The following PGAP4 variants were observed in gnomAD, a reference collection of about 807,000 sequenced individuals.
PGAP4 encodes the protein GPI-N-acetylgalactosamine transferase PGAP4.
Under a neutral mutation model 28.2 loss-of-function variants are expected in PGAP4, and 12 were observed. That is an observed-to-expected ratio of 0.42 (90% CI 0.27 to 0.69). The LOEUF (loss-of-function observed/expected upper bound fraction) is 0.69. Ranked by LOEUF, PGAP4 falls within the 30% of genes least tolerant of loss-of-function variation. PGAP4 has a pLI of 0.22. For missense variants in PGAP4, 425 were observed against 513.5 expected, an observed-to-expected ratio of 0.83 and a Z score of 1.67; for synonymous variants, 205 against 211.8, an observed-to-expected ratio of 0.97 and a Z score of 0.28.
At chr9:101,487,413 C>T (rs1005274189), upstream of PGAP4, among the ~76,000 whole-genome samples, 1 of 152,216 alleles carries the variant, frequency 6.6e-6, no homozygotes, top group Non-Finnish European at 1.5e-5. Context: ...TACTTTGGGT[C>T]TTGAATGTTT....
At chr9:101,479,832 CCTT>C (rs1199600976) in intron 1 of PGAP4, 4 of 152,200 alleles carry the variant, frequency 2.6e-5, no homozygotes, top group Admixed American at 6.5e-5. Flanking sequence ...ACATGCCCCT[CCTT>C]CTAGATCAAG....
rs1384441456 is a variant in PGAP4 at position 101,476,229 on chromosome 9, C to A, written c.864G>T (p.Gly288=). ...WIYMRFASRP[G]FSWPVMLFFS... ...AGAAGAGCATTACAGGCCAGCTAAA[C>A]CCTGGGCGGCTGGCAAACCTCATGT... Residue 288 remains glycine (G), a synonymous_variant, in exon 2 of 2, where the codon GGG becomes GGT. Transcript: ENST00000374848. This position sits in a 1 kb window ranked among gnomAD's most constrained non-coding sequence, Gnocchi z 7.0. The A allele has an allele frequency of 1.9e-6, 3 of 1,614,044 alleles. No homozygotes were observed. The highest frequency in any genetic ancestry group is 2.2e-5 in the South Asian group (2 of 91,074).
At chr9:101,501,771 G>A in intron 2 of PGAP4, 1 of 518,458 alleles carries the variant, frequency 1.9e-6, no homozygotes, top group Non-Finnish European at 3.9e-6. Flanking sequence ...CTAACATCTG[G>A]ATTGAACAAT....
intron 2 of PGAP4, among the ~76,000 whole-genome samples, chr9:101,529,681 G>T (rs974507443): frequency 6.6e-6 from 1 of 152,186 alleles, no homozygotes; most frequent in Non-Finnish European, 1.5e-5. Context: ...AGGTGATCTG[G>T]GGAGAAGGAG....
chr9:101,533,077 A>G (rs961993053), exon 1 of PGAP4: 1 of 151,874 alleles, frequency 6.6e-6, no homozygotes, highest in Non-Finnish European at 1.5e-5. Flanking sequence ...AATGGAAAAT[A>G]GCAGTTTGTC....
chr9:101,486,637 A>C lies in PGAP4; in HGVS notation c.-78+312T>G, dbSNP rs1826621597. ...AGCGCAGCTGGCGCAGGCAAGGGCC[A>C]GGGAGGCGCCCCCGAGACACTCAAC... On this transcript the variant is annotated intron_variant, in intron 1 of 1. Coordinates refer to ENST00000374848, the MANE Select transcript of PGAP4 (RefSeq NM_032342.3). This position sits in a 1 kb window ranked among gnomAD's most constrained non-coding sequence, Gnocchi z 4.7. Among the ~76,000 whole-genome samples the C allele has an allele frequency of 6.7e-6, 1 of 149,338 alleles. No individual in the cohort carries two copies. Among genetic ancestry groups the C allele is most frequent in the Admixed American group, 6.6e-5 (1 of 15,068 alleles).
intron 2 of PGAP4, among the ~76,000 whole-genome samples, chr9:101,495,659 C>A (rs1032677744): frequency 6.7e-6 from 1 of 149,326 alleles, no homozygotes; most frequent in African/African-American, 2.4e-5. Flanking sequence ...GAGTGATAAC[C>A]AAAAGACTTA....
At chr9:101,498,337 T>C (rs1476611255) in intron 2 of PGAP4, among the ~76,000 whole-genome samples, 1 of 150,080 alleles carries the variant, frequency 6.7e-6, no homozygotes, top group Non-Finnish European at 1.5e-5. Context: ...ATTTTAACCG[T>C]TTTTTTTTAG....
intron 1 of PGAP4, among the ~76,000 whole-genome samples, chr9:101,479,057 G>T (rs528173735): frequency 6.6e-6 from 1 of 152,292 alleles, no homozygotes; most frequent in South Asian, 2.1e-4. Context: ...AGTACTAAGA[G>T]ATCTGGATAG....
chr9:101,500,728 T>A (rs749412875), intron 2 of PGAP4, among the ~76,000 whole-genome samples: 1 of 151,848 alleles, frequency 6.6e-6, no homozygotes, highest in African/African-American at 2.4e-5. Flanking sequence ...GAGTGGGAAA[T>A]TAAAAGAAGC....
intron 2 of PGAP4, among the ~76,000 whole-genome samples, chr9:101,524,449 G>A (rs1381802970): frequency 1.3e-5 from 2 of 152,174 alleles, no homozygotes; most frequent in Non-Finnish European, 2.9e-5. Context: ...CAGCCTGTGA[G>A]TCTGCACACC....
chr9:101,523,626 T>A (rs1827007764), intron 2 of PGAP4, among the ~76,000 whole-genome samples: 2 of 61,310 alleles, frequency 3.3e-5, no homozygotes, highest in African/African-American at 1.1e-4. Context: ...TATCTTTTTT[T>A]TTTTTTTTTT....
rs1423347702 is a variant in PGAP4, at chr9:101,474,158, G to A, written c.*1723C>T. 2 of 152,182 alleles carry A rather than the reference G, an allele frequency of 1.3e-5. No individual in the cohort carries two copies. Among genetic ancestry groups the A allele is most frequent in the Non-Finnish European group, 1.5e-5 (1 of 68,028 alleles). The allele number at this position is 152,182 out of a possible 1,614,324, so 9.4% of individuals were successfully genotyped here. A position where few individuals can be genotyped will look rare whatever the true frequency, so the allele number is the denominator to read the frequency against. On this transcript the variant is annotated 3_prime_UTR_variant, in exon 2 of 2. Transcript: ENST00000374848. Reference sequence around the variant, plus strand: ...AGGGGCTTGAAGTCAGAAGAGCTCCGTTCCCATTTTGGCTATGCTGCTGTT... The same window carrying A: ...AGGGGCTTGAAGTCAGAAGAGCTCCATTCCCATTTTGGCTATGCTGCTGTT...
Position 101,476,678 on chromosome 9 carries a change from G to A in PGAP4, c.415C>T (p.His139Tyr), listed in dbSNP as rs1490849155. The part of the protein sequence containing the change: ...LQQCGPQCEG[H>Y]QLFLCNVERS... ...TCCACGTTGCACAGGAAGAGTTGGT[G>A]CCCCTCGCACTGGGGGCCACATTGC... The change falls in exon 2 of 2, where the codon CAC becomes TAC. Residue 139 changes from histidine (H) to tyrosine (Y), a missense_variant. By Grantham distance (83) the His-to-Tyr change is moderately conservative. Coordinates refer to ENST00000374848, the MANE Select transcript of PGAP4 (RefSeq NM_032342.3). The surrounding 1 kb of genome is among the most constrained non-coding windows in gnomAD (Gnocchi z 7.0). The A allele has an allele frequency of 9.3e-6, 15 of 1,614,038 alleles. No individual in the cohort carries two copies. Among genetic ancestry groups the A allele is most frequent in the Admixed American group, 1.7e-5 (1 of 60,002 alleles).
chr9:101,494,553 T>A (rs377299059), intron 2 of PGAP4, among the ~76,000 whole-genome samples: 1 of 151,872 alleles, frequency 6.6e-6, no homozygotes, highest in African/African-American at 2.4e-5. Context: ...TTTTGTTTAA[T>A]CCTGATTAGT....
At chr9:101,496,384 A>G (rs189173325) in intron 2 of PGAP4, among the ~76,000 whole-genome samples, 95 of 151,642 alleles carry the variant, frequency 6.3e-4, no homozygotes, top group Admixed American at 4.6e-4. Flanking sequence ...TTTGAGATGT[A>G]AATCTGAGCA....
intron 2 of PGAP4, among the ~76,000 whole-genome samples, chr9:101,504,857 C>A (rs986639122): frequency 2.0e-5 from 3 of 152,174 alleles, no homozygotes; most frequent in African/African-American, 7.2e-5. Flanking sequence ...CAGAGCCAAG[C>A]CACAACTTGG....
At chr9:101,503,501 T>C (rs1436909604) in intron 2 of PGAP4, among the ~76,000 whole-genome samples, 1 of 152,134 alleles carries the variant, frequency 6.6e-6, no homozygotes, top group African/African-American at 2.4e-5. Flanking sequence ...GGTGGTAGTT[T>C]CAAGGATGTT....
rs759924926 is a variant in PGAP4, at chr9:101,476,295, A to C, written c.798T>G (p.Val266=). 5 of 1,614,082 alleles carry C rather than the reference A, an allele frequency of 3.1e-6. No individual in the cohort carries two copies. In the Admixed American group the frequency reaches 8.3e-5, roughly 27 times the overall value. The change falls in exon 2 of 2, where the codon GTT becomes GTG. Residue 266 remains valine, a synonymous_variant. Coordinates refer to ENST00000374848, the MANE Select transcript of PGAP4 (RefSeq NM_032342.3). This position sits in a 1 kb window ranked among gnomAD's most constrained non-coding sequence, Gnocchi z 7.0. ...NPEPMRILEW[V]GVGMLLGPLL... ...AGGGCCCCAGCAACATGCCTACACCAACCCATTCCAGGATCCGCATGGGCT... is the reference window on the plus strand; with the variant it reads ...AGGGCCCCAGCAACATGCCTACACCCACCCATTCCAGGATCCGCATGGGCT...
Sources: gnomAD v4.1 joint callset for allele counts (sites outside exome capture counted in the v4.1 genomes callset) on GRCh38, gnomAD v4.1.1 for gene constraint, Gnocchi (gnomAD v3.1) non-coding constraint, MANE v1.5 for transcripts, NCBI Gene and HGNC (gene_info 2026-07-23, HGNC 2026-07-21) for gene names.